The following PRKD1 variants were observed in gnomAD, a reference collection of about 807,000 sequenced individuals.
The protein encoded by PRKD1 is serine/threonine-protein kinase D1.
Under a neutral mutation model 95.9 loss-of-function variants are expected in PRKD1, and 63 were observed. That is an observed-to-expected ratio of 0.66 (90% CI 0.54 to 0.81). PRKD1 has a LOEUF of 0.81. PRKD1 is among the 30% of genes least tolerant of loss of function. PRKD1 has a pLI of 0.00. For missense variants in PRKD1, 1,048 were observed against 1,165.3 expected, an observed-to-expected ratio of 0.90 and a Z score of 1.47; for synonymous variants, 425 against 423.1, an observed-to-expected ratio of 1.00 and a Z score of -0.05.
chr14:29,840,155 A>C (rs770516147), intron 1 of PRKD1, among the ~76,000 whole-genome samples: 14 of 152,168 alleles, frequency 9.2e-5, no homozygotes, highest in Non-Finnish European at 1.9e-4. Flanking sequence ...GAATGCCTTT[A>C]ACAGCATCAA....
chr14:29,596,835 C>A (rs1893323088), intron 16 of PRKD1, among the ~76,000 whole-genome samples: 1 of 152,136 alleles, frequency 6.6e-6, no homozygotes, highest in South Asian at 2.1e-4. Flanking sequence ...TCAGCCCCTG[C>A]AATTTCTTTT....
intron 1 of PRKD1, among the ~76,000 whole-genome samples, chr14:29,834,757 A>G (rs1485886193): frequency 6.6e-6 from 1 of 152,160 alleles, no homozygotes; most frequent in African/African-American, 2.4e-5. Context: ...TAAAACAATT[A>G]TCTCATTTTG....
chr14:29,691,639 A>G (rs964518273), intron 2 of PRKD1, among the ~76,000 whole-genome samples: 2 of 152,152 alleles, frequency 1.3e-5, no homozygotes, highest in Non-Finnish European at 2.9e-5. Context: ...GTTGGTGCAA[A>G]AGTAATCAGG....
At chr14:29,656,319 G>A (rs538501077) in intron 4 of PRKD1, among the ~76,000 whole-genome samples, 2 of 152,270 alleles carry the variant, frequency 1.3e-5, no homozygotes, top group African/African-American at 4.8e-5. Flanking sequence ...GAAAACCTGA[G>A]GGCTTTCTGT....
chr14:29,732,526 TAAA>T, intron 1 of PRKD1, among the ~76,000 whole-genome samples: 1 of 152,234 alleles, frequency 6.6e-6, no homozygotes, highest in African/African-American at 2.4e-5. Flanking sequence ...ATGTTTAAAA[TAAA>T]AAAGTATCTA....
chr14:29,803,959 C>T (rs780611666), intron 1 of PRKD1, among the ~76,000 whole-genome samples: 8 of 151,868 alleles, frequency 5.3e-5, no homozygotes, highest in Non-Finnish European at 1.2e-4. Context: ...CAAATGTATG[C>T]GGCCGGGTGC....
At chr14:29,690,564 G>C (rs943984181) in intron 2 of PRKD1, among the ~76,000 whole-genome samples, 1 of 152,182 alleles carries the variant, frequency 6.6e-6, no homozygotes, top group African/African-American at 2.4e-5. Flanking sequence ...CTAAATTTCT[G>C]CTTCAATGTC....
At position 29,665,924 on chromosome 14, in the gene PRKD1, C is replaced by T. The variant is rs149792789; in HGVS notation, c.535+153G>A. Among the ~76,000 whole-genome samples the T allele has an allele frequency of 4.0e-4, 60 of 151,550 alleles. No homozygotes were observed. In the East Asian group the frequency reaches 8.8e-3, roughly 22 times the overall value. On this transcript the variant is annotated intron_variant, in intron 3 of 17. Coordinates refer to ENST00000331968, the MANE Select transcript of PRKD1 (RefSeq NM_002742.3). ...GTATATATACACACATATATATGTG[C>T]GTATATATATGTATATATGTACCAC...
intron 1 of PRKD1, among the ~76,000 whole-genome samples, chr14:29,763,710 A>C (rs1457839106): frequency 6.6e-6 from 1 of 152,048 alleles, no homozygotes; most frequent in Non-Finnish European, 1.5e-5. Context: ...GTCTCATAGA[A>C]GCCACAAGAA....
At chr14:29,832,849 T>C (rs1361663807) in intron 1 of PRKD1, among the ~76,000 whole-genome samples, 3 of 152,140 alleles carry the variant, frequency 2.0e-5, no homozygotes, top group African/African-American at 7.2e-5. Flanking sequence ...CCCAGTGACG[T>C]ACTAGTATAA....
chr14:29,637,703 T>C (rs1292200596), intron 6 of PRKD1, among the ~76,000 whole-genome samples: 1 of 152,164 alleles, frequency 6.6e-6, no homozygotes, highest in Non-Finnish European at 1.5e-5. Flanking sequence ...GGAGAGCTCT[T>C]CCTTCTTCTT....
chr14:29,656,493 C>T (rs1232000341), intron 4 of PRKD1: 1 of 1,535,694 alleles, frequency 6.5e-7, no homozygotes, highest in Non-Finnish European at 8.7e-7. Flanking sequence ...CCAGGACTCA[C>T]AGGAGACTGA....
chr14:29,747,847 G>A (rs777439636), intron 1 of PRKD1, among the ~76,000 whole-genome samples: 2 of 152,072 alleles, frequency 1.3e-5, no homozygotes, highest in African/African-American at 2.4e-5. Flanking sequence ...GAACTCAAGC[G>A]ATTCTCATGC....
At position 29,749,782 on chromosome 14, in the gene PRKD1, G is replaced by C. The variant is rs180873580; in HGVS notation, c.265-24108C>G. On this transcript the variant is annotated intron_variant, in intron 1 of 17. Transcript: ENST00000331968. ...AAGGAGATGATATTTAAAAAAATCA[G>C]TGACTAATAGATAAAACCCTATACC... 4.7e-3 allele frequency among the ~76,000 whole-genome samples: 715 copies of C among 152,172 alleles called. 2 individuals carry two copies. The highest frequency in any genetic ancestry group is 8.1e-3 in the Non-Finnish European group (552 of 68,006).
intron 13 of PRKD1, among the ~76,000 whole-genome samples, chr14:29,613,384 G>C (rs1878618227): frequency 6.6e-6 from 1 of 152,090 alleles, no homozygotes; most frequent in African/African-American, 2.4e-5. Flanking sequence ...TGATCATCCA[G>C]AAGATAAATA....
At chr14:29,753,400 TAAG>T (rs750352022) in intron 1 of PRKD1, among the ~76,000 whole-genome samples, 11 of 152,140 alleles carry the variant, frequency 7.2e-5, no homozygotes, top group Non-Finnish European at 1.3e-4. Context: ...TAACTCTAGG[TAAG>T]AAGTCAACAT....
At chr14:29,923,903 T>C (rs1175125841) in intron 1 of PRKD1, among the ~76,000 whole-genome samples, 1 of 152,084 alleles carries the variant, frequency 6.6e-6, no homozygotes, top group Non-Finnish European at 1.5e-5. Context: ...GCTCTTCCTC[T>C]GGAATTTTTT....
At chr14:29,802,400 C>T (rs534001554) in intron 1 of PRKD1, among the ~76,000 whole-genome samples, 1 of 152,262 alleles carries the variant, frequency 6.6e-6, no homozygotes, top group African/African-American at 2.4e-5. Context: ...ACTATAAAGG[C>T]TCAAAAGCAA....
chr14:29,811,631 A>G (rs1382753477), intron 1 of PRKD1, among the ~76,000 whole-genome samples: 1 of 152,186 alleles, frequency 6.6e-6, no homozygotes, highest in Non-Finnish European at 1.5e-5. Context: ...GGGGCTGAGG[A>G]TAGCAGCAGT....
Sources: allele counts gnomAD v4.1 joint callset (sites outside exome capture counted in the v4.1 genomes callset), GRCh38; gene constraint gnomAD v4.1.1; transcripts MANE v1.5; gene names NCBI Gene and HGNC (gene_info 2026-07-23, HGNC 2026-07-21).